The following UIMC1 variants were observed in gnomAD, a reference collection of about 807,000 sequenced individuals.
UIMC1 encodes the protein BRCA1-A complex subunit RAP80.
UIMC1 carries 42 observed loss-of-function variants against 84.9 expected under a neutral mutation model. That is an observed-to-expected ratio of 0.49 (90% CI 0.39 to 0.64). The LOEUF (loss-of-function observed/expected upper bound fraction) is 0.64, where lower values mean the gene tolerates loss of function less well. Ranked by LOEUF, UIMC1 falls within the 30% of genes least tolerant of loss-of-function variation. The probability of loss-of-function intolerance (pLI) is 0.00; values close to 1 mark genes in which losing one functional copy is unlikely to be tolerated. For synonymous variants in UIMC1, 281 were observed against 293.0 expected (o/e 0.96, Z 0.42); for missense variants, 825 against 847.6 (o/e 0.97, Z 0.33).
At chr5:177,007,843 G>A (rs930439382), upstream of UIMC1, among the ~76,000 whole-genome samples, 9 of 152,154 alleles carry the variant, frequency 5.9e-5, no homozygotes, top group South Asian at 4.1e-4. Flanking sequence ...GGTGGATCAC[G>A]CCTGTAATCC....
At chr5:176,965,387 A>G (rs1581565915) in intron 6 of UIMC1, among the ~76,000 whole-genome samples, 1 of 150,548 alleles carries the variant, frequency 6.6e-6, no homozygotes, top group South Asian at 2.1e-4. Flanking sequence ...ATGCCACTGC[A>G]CTCCAGCCTG....
chr5:176,966,414 CTCTAT>C (rs1367746138), intron 6 of UIMC1, among the ~76,000 whole-genome samples: 4 of 152,318 alleles, frequency 2.6e-5, no homozygotes, highest in Admixed American at 2.0e-4. Context: ...AATCCATGTT[CTCTAT>C]TCTATGAAGC....
chr5:176,941,350 G>C (rs1239173985), intron 10 of UIMC1, among the ~76,000 whole-genome samples: 1 of 152,176 alleles, frequency 6.6e-6, no homozygotes, highest in Middle Eastern at 3.4e-3. Context: ...ATAATATATA[G>C]AGAGAGCTAT....
chr5:176,990,347 A>C (rs1221228693), intron 1 of UIMC1, among the ~76,000 whole-genome samples: 1 of 152,048 alleles, frequency 6.6e-6, no homozygotes, highest in African/African-American at 2.4e-5. Flanking sequence ...CCCATCTTTT[A>C]AGCACAGTGC....
chr5:176,989,772 C>T (rs1043093422), intron 1 of UIMC1, among the ~76,000 whole-genome samples: 11 of 152,136 alleles, frequency 7.2e-5, no homozygotes, highest in African/African-American at 2.4e-4. Context: ...TAAATTCATA[C>T]TAAAGCAGTA....
At chr5:176,983,650 G>A (rs1422966939) in intron 1 of UIMC1, among the ~76,000 whole-genome samples, 7 of 152,238 alleles carry the variant, frequency 4.6e-5, no homozygotes, top group Admixed American at 6.5e-5. Context: ...CTGCCCGCCC[G>A]CCACCCCATC....
At chr5:176,997,032 G>GCACA (rs752159814) in intron 1 of UIMC1, among the ~76,000 whole-genome samples, 87 of 151,462 alleles carry the variant, frequency 5.7e-4, no homozygotes, top group African/African-American at 1.9e-3. Context: ...GCACGCGTGC[G>GCACA]CACACACACA....
At chr5:176,940,225 G>A (rs199689139) in intron 10 of UIMC1, among the ~76,000 whole-genome samples, 4 of 152,268 alleles carry the variant, frequency 2.6e-5, no homozygotes, top group South Asian at 4.1e-4. Flanking sequence ...AAGGAAGACC[G>A]GCTTAACAGC....
At chr5:176,965,662 C>G (rs1768182605) in intron 6 of UIMC1, among the ~76,000 whole-genome samples, 1 of 152,148 alleles carries the variant, frequency 6.6e-6, no homozygotes, top group East Asian at 1.9e-4. Context: ...CAGTTTACTG[C>G]AGCAAATAGT....
At chr5:176,968,208 C>G (rs1768610312) in intron 6 of UIMC1, among the ~76,000 whole-genome samples, 1 of 152,052 alleles carries the variant, frequency 6.6e-6, no homozygotes, top group African/African-American at 2.4e-5. Context: ...CCCGTCTCTA[C>G]TAAAAGTACA....
intron 2 of UIMC1, among the ~76,000 whole-genome samples, chr5:176,978,962 G>A (rs912951398): frequency 6.6e-6 from 1 of 151,924 alleles, no homozygotes; most frequent in South Asian, 2.1e-4. Context: ...CCAACGCAAT[G>A]AAAACAAGCA....
chr5:177,000,179 C>T (rs1774237146), intron 1 of UIMC1, among the ~76,000 whole-genome samples: 1 of 152,154 alleles, frequency 6.6e-6, no homozygotes, highest in East Asian at 1.9e-4. Flanking sequence ...AGGATGGTCT[C>T]AATCTGACCT....
At chr5:176,998,432 A>C (rs1241768479) in intron 1 of UIMC1, among the ~76,000 whole-genome samples, 1 of 134,086 alleles carries the variant, frequency 7.5e-6, no homozygotes, top group Non-Finnish European at 1.5e-5. Context: ...CCACCACTGC[A>C]CTCCAGCCTG....
At chr5:176,966,199 T>C (rs1418222707) in intron 6 of UIMC1, among the ~76,000 whole-genome samples, 1 of 152,202 alleles carries the variant, frequency 6.6e-6, no homozygotes, top group East Asian at 1.9e-4. Flanking sequence ...TTTGATCCCT[T>C]AGAGAGAATT....
intron 6 of UIMC1, among the ~76,000 whole-genome samples, chr5:176,965,795 G>A (rs1254264670): frequency 1.3e-5 from 2 of 152,332 alleles, no homozygotes; most frequent in Middle Eastern, 3.4e-3. Flanking sequence ...TGCAAAGGCA[G>A]TACTTTCAAA....
At chr5:176,909,804 A>G (rs534505616) in intron 11 of UIMC1, among the ~76,000 whole-genome samples, 10 of 152,222 alleles carry the variant, frequency 6.6e-5, no homozygotes, top group Non-Finnish European at 1.3e-4. Flanking sequence ...TCCCTACTAC[A>G]TGAGAGACAG....
chr5:176,934,561 C>T (rs1763495040), intron 10 of UIMC1, among the ~76,000 whole-genome samples: 1 of 152,184 alleles, frequency 6.6e-6, no homozygotes, highest in African/African-American at 2.4e-5. Context: ...TCACTCTGGA[C>T]TTGTGACGTG....
At chr5:177,011,763 G>A (rs149112567), upstream of UIMC1, among the ~76,000 whole-genome samples, 527 of 152,144 alleles carry the variant, frequency 3.5e-3, 4 homozygotes, top group African/African-American at 0.012. Flanking sequence ...GGAGGGACCG[G>A]CTGGAGCCGT....
intron 1 of UIMC1, among the ~76,000 whole-genome samples, chr5:176,993,518 A>G (rs1773173399): frequency 6.6e-6 from 1 of 152,098 alleles, no homozygotes; most frequent in Non-Finnish European, 1.5e-5. Context: ...TTAAAAATAT[A>G]TCTAATCATC....
Sources: allele counts gnomAD v4.1 joint callset (sites outside exome capture counted in the v4.1 genomes callset), GRCh38; gene constraint gnomAD v4.1.1; transcripts MANE v1.5; gene names NCBI Gene and HGNC (gene_info 2026-07-23, HGNC 2026-07-21).